The following RHOBTB2 variants were observed in gnomAD, a reference collection of about 807,000 sequenced individuals.
RHOBTB2 encodes the protein Rho related BTB domain containing 2, also known as rho-related BTB domain-containing protein 2.
A neutral mutation model predicts 66.5 loss-of-function variants in RHOBTB2; 39 were observed. The observed-to-expected ratio is 0.59, with a 90% CI of 0.45 to 0.77. The LOEUF (loss-of-function observed/expected upper bound fraction) is 0.77. Ranked by LOEUF, RHOBTB2 falls within the 30% of genes least tolerant of loss-of-function variation. RHOBTB2 has a pLI of 0.00. For synonymous variants in RHOBTB2, 390 were observed against 395.0 expected (o/e 0.99, Z 0.15); for missense variants, 755 against 999.1 (o/e 0.76, Z 3.29).
rs1563290536 is a variant in RHOBTB2, at chr8:23,005,411, G to A, written c.232G>A (p.Val78Ile). 5.6e-6 allele frequency: 9 copies of A among 1,614,010 alleles called. No homozygotes were observed. Among genetic ancestry groups the A allele is most frequent in the Admixed American group, 1.7e-5 (1 of 60,026 alleles). The change falls in exon 3 of 10, where the codon GTC becomes ATC. Residue 78 changes from valine (V) to isoleucine (I), a missense_variant. By Grantham distance (29) the Val-to-Ile change is conservative. Transcript: ENST00000251822. ...CCGAGACGTGGTAGATGATGTCAGC[G>A]TCTCTCTGCGCCTCTGGGACACCTT... Reference protein sequence around the residue: ...RSRDVVDDVSVSLRLWDTFGD... With the variant: ...RSRDVVDDVSISLRLWDTFGD...
In RHOBTB2 at chr8:23,000,215, G is replaced by C. The variant is rs535265884; in HGVS notation, c.-11+110G>C. 199 of 735,556 alleles carry C rather than the reference G, an allele frequency of 2.7e-4. 2 individuals carry two copies. The South Asian group carries it at 0.011, about 40-fold the overall frequency. 45.6% of individuals were successfully genotyped at this position (735,556 alleles called of 1,614,324 possible). A position where few individuals can be genotyped will look rare whatever the true frequency, so the allele number is the denominator to read the frequency against. Reference sequence around the variant, plus strand: ...CCCCTCGCTACGTTCCCCGGGCCCCGCTAGTCCCTGGGCTCTGGCTTCGGC... The same window carrying C: ...CCCCTCGCTACGTTCCCCGGGCCCCCCTAGTCCCTGGGCTCTGGCTTCGGC... On this transcript the variant is annotated intron_variant, in intron 1 of 9. Transcript: ENST00000251822.
upstream of RHOBTB2, among the ~76,000 whole-genome samples, chr8:22,996,779 A>G (rs909493908): frequency 6.6e-6 from 1 of 152,006 alleles, no homozygotes; most frequent in Non-Finnish European, 1.5e-5. Context: ...AGCTGGGGAC[A>G]GGGATGGGCA....
chr8:22,986,596 C>T (rs953596719), upstream of RHOBTB2, among the ~76,000 whole-genome samples: 1 of 152,052 alleles, frequency 6.6e-6, no homozygotes, highest in Non-Finnish European at 1.5e-5. Context: ...TTCTCTCTTC[C>T]CTTCTCCAGA....
intron 1 of RHOBTB2, among the ~76,000 whole-genome samples, chr8:22,988,334 G>GT (rs1810338413): frequency 6.6e-6 from 1 of 151,486 alleles, no homozygotes; most frequent in South Asian, 2.1e-4. Context: ...TAATTTTTTT[G>GT]TTTTTTTAAT....
At chr8:22,995,062 G>A (rs1268079556), upstream of RHOBTB2, among the ~76,000 whole-genome samples, 1 of 152,186 alleles carries the variant, frequency 6.6e-6, no homozygotes, top group East Asian at 1.9e-4. Context: ...CACCGCGCCA[G>A]GTTCAAAATA....
At chr8:23,002,755 A>G (rs961701310) in intron 1 of RHOBTB2, among the ~76,000 whole-genome samples, 6 of 152,174 alleles carry the variant, frequency 3.9e-5, no homozygotes, top group Admixed American at 3.9e-4. Flanking sequence ...AAGGGGTGGT[A>G]CAGTTGCCCT....
intron 5 of RHOBTB2, 43 bp from the exon 6 acceptor site, chr8:23,007,950 C>T (rs371034976): frequency 2.0e-4 from 319 of 1,582,552 alleles, no homozygotes; most frequent in Non-Finnish European, 2.7e-4. Context: ...CTTGTTCTCC[C>T]AGCTTCTTTC....
chr8:22,979,693 CT>C, the RHOBTB2 span, among the ~76,000 whole-genome samples: 31 of 142,010 alleles, frequency 2.2e-4, no homozygotes, highest in African/African-American at 6.0e-4. Context: ...TATGGGAATT[CT>C]TTTTTTTTCT....
the RHOBTB2 span, among the ~76,000 whole-genome samples, chr8:22,981,455 A>C: frequency 6.6e-6 from 1 of 152,300 alleles, no homozygotes; most frequent in African/African-American, 2.4e-5. Context: ...TGGAGCCCTG[A>C]GACATTCTCT....
chr8:22,972,070 A>G, the RHOBTB2 span, among the ~76,000 whole-genome samples: 1 of 151,972 alleles, frequency 6.6e-6, no homozygotes, highest in Non-Finnish European at 1.5e-5. Context: ...TCAATGGACC[A>G]CCTTCCACCC....
chr8:23,019,918 G>A lies in RHOBTB2; in HGVS notation c.*2449G>A, dbSNP rs908571868. 5 of 240,788 alleles carry A rather than the reference G, an allele frequency of 2.1e-5. No individual in the cohort carries two copies. The highest frequency in any genetic ancestry group is 3.3e-5 in the Non-Finnish European group (4 of 121,000). The allele number at this position is 240,788 out of a possible 1,614,324, so 14.9% of individuals were successfully genotyped here. ...GAGGGAGGAGCAGGCAGGAGAGAGA[G>A]GGGAAGGAGGTATGAATCCCAGTCC... On this transcript the variant is annotated 3_prime_UTR_variant, in exon 10 of 10. Transcript: ENST00000251822.
the RHOBTB2 span, among the ~76,000 whole-genome samples, chr8:22,962,743 A>C: frequency 0.92 from 140,462 of 152,258 alleles, 64,851 homozygotes; most frequent in East Asian, 0.97. Context: ...GTGCTCAGCA[A>C]CCTGACTGTC....
At chr8:22,983,730 C>G (rs1810248956), upstream of RHOBTB2, among the ~76,000 whole-genome samples, 1 of 151,844 alleles carries the variant, frequency 6.6e-6, no homozygotes, top group Non-Finnish European at 1.5e-5. Flanking sequence ...AAATATTCAG[C>G]AGTGTAACGT....
chr8:22,970,050 C>A, the RHOBTB2 span, among the ~76,000 whole-genome samples: 2 of 152,306 alleles, frequency 1.3e-5, no homozygotes, highest in African/African-American at 4.8e-5. Context: ...CAGGAGAATG[C>A]ACCACCATAA....
At chr8:22,956,770 T>A in the RHOBTB2 span, among the ~76,000 whole-genome samples, 3 of 152,172 alleles carry the variant, frequency 2.0e-5, no homozygotes, top group African/African-American at 7.2e-5. Context: ...CAGGCAACTC[T>A]CCCGCCTCAG....
chr8:23,017,262 G>A lies in RHOBTB2; in HGVS notation c.1977G>A (p.Glu659=). The part of the protein sequence containing the change: ...DMKAMSPENQ[E]YFEKHRWPPV... The stretch of plus-strand genomic sequence containing the variant: ...TGCTCTCTGCTCCAGAAAACCAGGA[G>A]TATTTCGAGAAGCATCGGTGGCCAC... Residue 659 remains glutamate, a synonymous_variant, in exon 10 of 10, where the codon GAG becomes GAA. Coordinates refer to ENST00000251822, the MANE Select transcript of RHOBTB2 (RefSeq NM_015178.3). This position sits in a 1 kb window ranked among gnomAD's most constrained non-coding sequence, Gnocchi z 5.3. The A allele has an allele frequency of 6.2e-7, 1 of 1,614,178 alleles. No homozygotes were observed. Among genetic ancestry groups the A allele is most frequent in the Non-Finnish European group, 8.5e-7 (1 of 1,180,030 alleles).
upstream of RHOBTB2, among the ~76,000 whole-genome samples, chr8:22,985,300 T>G (rs550758044): frequency 3.9e-5 from 6 of 152,272 alleles, no homozygotes; most frequent in Non-Finnish European, 8.8e-5. Flanking sequence ...GGTGAAACAG[T>G]GAAAGGGAGG....
rs969989376 is a variant in RHOBTB2 at position 23,007,706 on chromosome 8, C to T, written c.1461C>T (p.Thr487=). 1.2e-6 allele frequency: 2 copies of T among 1,614,172 alleles called. No individual in the cohort carries two copies. The highest frequency in any genetic ancestry group is 4.5e-5 in the East Asian group (2 of 44,880). The change falls in exon 5 of 10, where the codon ACC becomes ACT. Residue 487 remains threonine, a synonymous_variant. Coordinates refer to ENST00000251822, the MANE Select transcript of RHOBTB2 (RefSeq NM_015178.3). ...EITKAFHVRR[T]NRVKECLAKG... is the part of the protein sequence containing the mutation. ...CCAAGGCCTTCCACGTCCGCCGGAC[C>T]AACCGGGTTAAGGAGTGCTTGGCAA... is the stretch of plus-strand genomic sequence containing the variant.
At chr8:22,976,679 G>A in the RHOBTB2 span, among the ~76,000 whole-genome samples, 1 of 152,054 alleles carries the variant, frequency 6.6e-6, no homozygotes, top group Non-Finnish European at 1.5e-5. Context: ...AGGCTGGACT[G>A]CAGTGGTGCC....
Sources: gnomAD v4.1 joint callset for allele counts (sites outside exome capture counted in the v4.1 genomes callset) on GRCh38, gnomAD v4.1.1 for gene constraint, Gnocchi (gnomAD v3.1) non-coding constraint, MANE v1.5 for transcripts, NCBI Gene and HGNC (gene_info 2026-07-23, HGNC 2026-07-21) for gene names.